The following PRKG1 variants were observed in gnomAD, a reference collection of about 807,000 sequenced individuals.
PRKG1 encodes cGMP-dependent protein kinase 1.
PRKG1 carries 35 observed loss-of-function variants against 88.1 expected under a neutral mutation model. The ratio of observed to expected loss-of-function variants is 0.40; its 90% CI spans 0.30 to 0.53. The LOEUF (loss-of-function observed/expected upper bound fraction) is 0.53, where lower values mean the gene tolerates loss of function less well. Among genes scored for constraint, PRKG1 ranks in the 20% least tolerant of loss-of-function variants. The pLI is 0.59. For missense variants in PRKG1, 540 were observed against 839.8 expected, an observed-to-expected ratio of 0.64 and a Z score of 4.41; for synonymous variants, 303 against 292.5, an observed-to-expected ratio of 1.04 and a Z score of -0.37.
intron 4 of PRKG1, among the ~76,000 whole-genome samples, chr10:51,834,792 G>T (rs1056031413): frequency 6.6e-6 from 1 of 151,620 alleles, no homozygotes; most frequent in Non-Finnish European, 1.5e-5. Flanking sequence ...AGAAAGTGAG[G>T]GTATGAAAGA....
chr10:51,557,945 G>T (rs1047583258), intron 3 of PRKG1, among the ~76,000 whole-genome samples: 2 of 151,976 alleles, frequency 1.3e-5, no homozygotes, highest in African/African-American at 4.8e-5. Flanking sequence ...TAGAAATATT[G>T]GATTCAATAT....
chr10:51,489,583 A>G (rs1840652016), intron 3 of PRKG1, among the ~76,000 whole-genome samples: 1 of 152,198 alleles, frequency 6.6e-6, no homozygotes, highest in Admixed American at 6.6e-5. Flanking sequence ...ACTGTTCTAG[A>G]TTATGTCACA....
intron 3 of PRKG1, among the ~76,000 whole-genome samples, chr10:51,638,876 A>G (rs1839723557): frequency 6.6e-6 from 1 of 152,240 alleles, no homozygotes; most frequent in South Asian, 2.1e-4. Flanking sequence ...CTCATTATTA[A>G]TGAATGAAAA....
At chr10:51,627,945 T>TTCCTTCCTTC (rs1283236723) in intron 3 of PRKG1, among the ~76,000 whole-genome samples, 71 of 75,540 alleles carry the variant, frequency 9.4e-4, no homozygotes, top group African/African-American at 2.7e-3. Context: ...TTCCTTCCTT[T>TTCCTTCCTTC]CTTTCTTTCT....
At chr10:52,166,947 T>C (rs1040510194) in intron 9 of PRKG1, among the ~76,000 whole-genome samples, 2 of 124,538 alleles carry the variant, frequency 1.6e-5, no homozygotes, top group African/African-American at 6.0e-5. Context: ...AGAAAGAAAA[T>C]GAAAACAATC....
intron 5 of PRKG1, among the ~76,000 whole-genome samples, chr10:52,011,272 G>A (rs1282634490): frequency 1.3e-5 from 2 of 152,128 alleles, no homozygotes; most frequent in Non-Finnish European, 2.9e-5. Flanking sequence ...CATAGTTCTA[G>A]GCTGCATAGA....
intron 2 of PRKG1, among the ~76,000 whole-genome samples, chr10:51,348,367 A>G (rs531349170): frequency 6.6e-6 from 1 of 152,274 alleles, no homozygotes; most frequent in African/African-American, 2.4e-5. Context: ...CAAATTAAAT[A>G]TATAATCTTT....
At chr10:51,074,359 C>T, upstream of PRKG1, 1 of 1,147,482 alleles carries the variant, frequency 8.7e-7, no homozygotes, top group South Asian at 1.8e-5. Context: ...GTTTGCTCTC[C>T]CCGCTCTGAG....
chr10:51,358,176 G>A (rs1842406291), intron 2 of PRKG1, among the ~76,000 whole-genome samples: 1 of 151,874 alleles, frequency 6.6e-6, no homozygotes, highest in South Asian at 2.1e-4. Flanking sequence ...ACTGAGACTG[G>A]AGGATCTATT....
chr10:51,640,930 C>G (rs1839783143), intron 3 of PRKG1, among the ~76,000 whole-genome samples: 1 of 151,970 alleles, frequency 6.6e-6, no homozygotes, highest in South Asian at 2.1e-4. Context: ...TCACGTTTAC[C>G]TTTTTTGTTT....
intron 2 of PRKG1, among the ~76,000 whole-genome samples, chr10:51,214,405 A>T (rs1489348938): frequency 6.6e-6 from 1 of 152,242 alleles, no homozygotes; most frequent in African/African-American, 2.4e-5. Context: ...AGTATGAATT[A>T]TCTGTACTTT....
In PRKG1 at chr10:52,297,936, T is replaced by G. The variant is rs1842413791; in HGVS notation, c.*4036T>G. 6.6e-6 allele frequency: 1 copy of G among 152,074 alleles called. No homozygotes were observed. 9.4% of individuals were successfully genotyped at this position (152,074 alleles called of 1,614,324 possible). ...GACCTAGAAAGCAAAACATTGAAAGTGTGTTGTTAGCCCTCCTCTCTGCCC... is the reference window on the plus strand; with the variant it reads ...GACCTAGAAAGCAAAACATTGAAAGGGTGTTGTTAGCCCTCCTCTCTGCCC... On this transcript the variant is annotated 3_prime_UTR_variant, in exon 18 of 18. Coordinates refer to ENST00000373980, the MANE Select transcript of PRKG1 (RefSeq NM_006258.4).
chr10:52,237,159 G>A lies in PRKG1; in HGVS notation c.1077-14411G>A, dbSNP rs914411570. 2.4e-4 allele frequency among the ~76,000 whole-genome samples: 25 copies of A among 104,794 alleles called. 1 individual carries two copies. Among genetic ancestry groups the A allele is most frequent in the African/African-American group, 7.1e-4 (22 of 30,828 alleles). 68.7% of individuals were successfully genotyped at this position (104,794 alleles called of 152,430 possible). A position where few individuals can be genotyped will look rare whatever the true frequency, so the allele number is the denominator to read the frequency against. On this transcript the variant is annotated intron_variant, in intron 9 of 17. Coordinates refer to ENST00000373980, the MANE Select transcript of PRKG1 (RefSeq NM_006258.4). ...ACTCTCAATAAATTAGGTATTGATG[G>A]GACGTATTTCAAAATAATAAGAGCT...
intron 3 of PRKG1, among the ~76,000 whole-genome samples, chr10:51,509,299 A>G (rs1293160852): frequency 2.0e-5 from 3 of 151,412 alleles, no homozygotes; most frequent in Non-Finnish European, 4.4e-5. Context: ...AAGACCTACC[A>G]GTATGCAAGG....
intron 2 of PRKG1, among the ~76,000 whole-genome samples, chr10:51,443,020 T>C (rs1839167272): frequency 6.6e-6 from 1 of 152,068 alleles, no homozygotes; most frequent in African/African-American, 2.4e-5. Flanking sequence ...AAAGCCGTTG[T>C]AGTGCCTGAG....
At chr10:51,139,494 T>C (rs1186050975) in intron 1 of PRKG1, among the ~76,000 whole-genome samples, 5 of 152,176 alleles carry the variant, frequency 3.3e-5, no homozygotes, top group Non-Finnish European at 7.4e-5. Flanking sequence ...CTCAGTCTCC[T>C]TTGTGGGACC....
At chr10:51,615,232 T>G (rs1049015282) in intron 3 of PRKG1, among the ~76,000 whole-genome samples, 3 of 152,128 alleles carry the variant, frequency 2.0e-5, no homozygotes, top group Non-Finnish European at 4.4e-5. Flanking sequence ...GCATTGATGC[T>G]TTACTCTTGC....
chr10:51,981,542 C>T (rs191858202), intron 5 of PRKG1, among the ~76,000 whole-genome samples: 113 of 152,074 alleles, frequency 7.4e-4, no homozygotes, highest in African/African-American at 2.5e-3. Context: ...GCCAAGATCA[C>T]GCCACTGTGC....
chr10:51,338,368 C>T (rs553514888), intron 2 of PRKG1, among the ~76,000 whole-genome samples: 6 of 151,954 alleles, frequency 3.9e-5, no homozygotes, highest in Non-Finnish European at 5.9e-5. Context: ...CATTTACCTA[C>T]GTAACAAACC....
Sources: gnomAD v4.1 joint callset for allele counts (sites outside exome capture counted in the v4.1 genomes callset) on GRCh38, gnomAD v4.1.1 for gene constraint, MANE v1.5 for transcripts, NCBI Gene and HGNC (gene_info 2026-07-23, HGNC 2026-07-21) for gene names.